The following MED24 variants were observed in gnomAD, a reference collection of about 807,000 sequenced individuals.
The protein encoded by MED24 is mediator complex subunit 24, also known as mediator of RNA polymerase II transcription subunit 24.
MED24 carries 74 observed loss-of-function variants against 118.8 expected under a neutral mutation model. The observed-to-expected ratio is 0.62, with a 90% confidence interval of 0.52 to 0.76. The LOEUF is 0.76. MED24 is among the 30% of genes least tolerant of loss of function. MED24 has a pLI of 0.00. For synonymous variants in MED24, 521 were observed against 523.9 expected, an observed-to-expected ratio of 0.99 and a Z score of 0.08; for missense variants, 1,041 against 1,278.9, an observed-to-expected ratio of 0.81 and a Z score of 2.84.
chr17:40,045,843 T>C (rs895594676), intron 3 of MED24, among the ~76,000 whole-genome samples: 9 of 152,180 alleles, frequency 5.9e-5, no homozygotes, highest in African/African-American at 1.7e-4. Context: ...AGTGGTTCGA[T>C]CTTGGCTCAC....
chr17:40,052,822 T>C (rs1197201599), intron 3 of MED24, among the ~76,000 whole-genome samples: 4 of 152,210 alleles, frequency 2.6e-5, no homozygotes, highest in Non-Finnish European at 5.9e-5. Context: ...ATTATTTTTA[T>C]GAGAACACTG....
Position 40,026,670 on chromosome 17 carries a change from C to T in MED24, c.1786G>A (p.Val596Ile). 1 of 1,611,172 alleles carries T rather than the reference C, an allele frequency of 6.2e-7. No homozygotes were observed. Among genetic ancestry groups the T allele is most frequent in the Non-Finnish European group, 8.5e-7 (1 of 1,178,614 alleles). The change falls in exon 18 of 26, where the codon GTC (valine) becomes ATC (isoleucine). Residue 596 changes from valine to isoleucine, a missense_variant. Physicochemically the swap from Val to Ile is conservative, Grantham distance 29. Coordinates refer to ENST00000394128, the MANE Select transcript of MED24 (RefSeq NM_014815.4). Reference protein sequence around the residue: ...LEILNAWENGVLAFESIQKIT... With the variant: ...LEILNAWENGILAFESIQKIT... The stretch of plus-strand genomic sequence containing the variant: ...ACCTGGATGGACTCGAAGGCCAGGA[C>T]CCCATTCTCCCAGGCATTGAGGATT...
At chr17:40,046,130 G>C (rs1985160524) in intron 3 of MED24, among the ~76,000 whole-genome samples, 1 of 144,614 alleles carries the variant, frequency 6.9e-6, no homozygotes. Flanking sequence ...TGTTGCCCAG[G>C]CTGGAGCGCA....
chr17:40,020,412 TC>T (rs1489930127), intron 23 of MED24, 59 bp from the exon 24 acceptor site: 4 of 1,553,964 alleles, frequency 2.6e-6, no homozygotes, highest in East Asian at 2.4e-5. Context: ...AAAGTGGTGC[TC>T]CCCGGGGATG....
rs1372304720 is a variant in MED24 at position 40,032,047 on chromosome 17, T to A, written c.980A>T (p.Asp327Val). ...CCATCTCAATCCCCAACTCACCTTGTCTCCATGAGAGTACTTCTTCAACTT... is the reference window on the plus strand; with the variant it reads ...CCATCTCAATCCCCAACTCACCTTGACTCCATGAGAGTACTTCTTCAACTT... ...LVKLKKYSHG[D>V]KDFTEDVNCA... Residue 327 changes from aspartate to valine, a missense_variant, in exon 10 of 26, where the codon GAC becomes GTC. This residue lies in a region of MED24 where 434 missense variants were observed against 514.9 expected (regional missense o/e 0.84). Coordinates refer to ENST00000394128, the MANE Select transcript of MED24 (RefSeq NM_014815.4). The A allele has an allele frequency of 6.2e-7, 1 of 1,613,472 alleles. No homozygotes were observed. Among genetic ancestry groups the A allele is most frequent in the East Asian group, 2.2e-5 (1 of 44,854 alleles).
Position 40,053,515 on chromosome 17 carries a change from C to T in MED24, c.84G>A (p.Lys28=). The T allele has an allele frequency of 6.2e-7, 1 of 1,614,222 alleles. No homozygotes were observed. The part of the protein sequence containing the change: ...WSDYQWAINM[K]KFFPKGATWD... Reference sequence around the variant, plus strand: ...AGGTGGCTCCTTTAGGAAAGAATTTCTTCATGTTGATTGCCCATTGGTAGT... The same window carrying T: ...AGGTGGCTCCTTTAGGAAAGAATTTTTTCATGTTGATTGCCCATTGGTAGT... Residue 28 remains lysine (K), a synonymous_variant, in exon 2 of 26, where the codon AAG becomes AAA. Transcript: ENST00000394128.
At chr17:40,034,184 G>A (rs1983692183) in intron 6 of MED24, among the ~76,000 whole-genome samples, 1 of 151,794 alleles carries the variant, frequency 6.6e-6, no homozygotes, top group Non-Finnish European at 1.5e-5. Flanking sequence ...CATAAAAGGG[G>A]GAAAAAAAGA....
rs774920029 is a variant in MED24 at position 40,019,948 on chromosome 17, G to A, written c.2705-15C>T. On this transcript the variant is annotated splice_polypyrimidine_tract_variant and intron_variant, in intron 24 of 25. Transcript: ENST00000394128. ...GAACAGGTTGGCTGTAGAGAGTGGGGGGAGAGTGACAGGAGGGAGTTCCAT... is the reference window on the plus strand; with the variant it reads ...GAACAGGTTGGCTGTAGAGAGTGGGAGGAGAGTGACAGGAGGGAGTTCCAT... 1 of 1,558,742 alleles carries A rather than the reference G, an allele frequency of 6.4e-7. No homozygotes were observed. Among genetic ancestry groups the A allele is most frequent in the Middle Eastern group, 1.7e-4 (1 of 6,000 alleles).
At chr17:40,044,145 A>G (rs939537246) in intron 3 of MED24, among the ~76,000 whole-genome samples, 4 of 145,534 alleles carry the variant, frequency 2.7e-5, no homozygotes, top group African/African-American at 1.1e-4. Flanking sequence ...AAAAAAAAAA[A>G]GCCGTAACAA....
At chr17:40,025,750 G>A (rs1176365922) in intron 19 of MED24, among the ~76,000 whole-genome samples, 3 of 152,164 alleles carry the variant, frequency 2.0e-5, no homozygotes, top group Admixed American at 2.0e-4. Flanking sequence ...GGTCACCAGG[G>A]AAGTCCTCCA....
At chr17:40,047,800 G>A (rs1246818902) in intron 3 of MED24, among the ~76,000 whole-genome samples, 1 of 151,550 alleles carries the variant, frequency 6.6e-6, no homozygotes, top group Non-Finnish European at 1.5e-5. Context: ...CGCAATCTCG[G>A]TTCACTGCAA....
rs368672711 is a variant in MED24, at chr17:40,033,025, G to A, written c.822+31C>T. ...TGCCCCCAACAGGCTGGCCTGCCTT[G>A]GAGAAGGGAGAGCCACTCGGCCCCT... On this transcript the variant is annotated intron_variant, in intron 8 of 25. Coordinates refer to ENST00000394128, the MANE Select transcript of MED24 (RefSeq NM_014815.4). The surrounding 1 kb of genome is among the most constrained non-coding windows in gnomAD (Gnocchi z 5.2). The A allele has an allele frequency of 2.7e-4, 440 of 1,612,004 alleles. 2 individuals are homozygous for A. The African/African-American group carries it at 3.0e-3, about 11-fold the overall frequency.
At chr17:40,032,518 C>G in intron 9 of MED24, 131 bp downstream of exon 9, 2 of 670,350 alleles carry the variant, frequency 3.0e-6, no homozygotes, top group East Asian at 5.5e-5. Flanking sequence ...TCAATGGGAA[C>G]TTGCACTGGA....
chr17:40,026,977 G>A lies in MED24; in HGVS notation c.1588C>T (p.Gln530Ter), dbSNP rs777369383. The change falls in exon 17 of 26, where the codon CAG (glutamine) becomes TAG (stop). Residue 530 changes from glutamine (Q) to a stop codon, truncating the protein, a stop_gained. Coordinates refer to ENST00000394128, the MANE Select transcript of MED24 (RefSeq NM_014815.4). LOFTEE classifies it high-confidence loss of function. ...AEVPFFETWM[Q>*]TCMPEEGKIL... ...TTGCCCTCCTCAGGCATGCAGGTCT[G>A]CATCCAGGTCTCGAAGAAGGGCACC... is the stretch of plus-strand genomic sequence containing the variant. The A allele has an allele frequency of 6.2e-6, 10 of 1,614,154 alleles. No individual in the cohort carries two copies. In the Admixed American group the frequency reaches 1.7e-4, roughly 27 times the overall value.
At position 40,029,972 on chromosome 17, in the gene MED24, A is replaced by C. The variant is rs138683662; in HGVS notation, c.1155-113T>G. The C allele has an allele frequency of 3.3e-4, 279 of 847,302 alleles. No individual in the cohort carries two copies. The African/African-American group carries it at 3.8e-3, about 12-fold the overall frequency. The allele number at this position is 847,302 out of a possible 1,614,324, so 52.5% of individuals were successfully genotyped here. A position where few individuals can be genotyped will look rare whatever the true frequency, so the allele number is the denominator to read the frequency against. ...GCGCAGAGGAGGTGGGAAGCATGTA[A>C]GAACCTCCGAGGTTGGGGTGAAGTT... is the stretch of plus-strand genomic sequence containing the variant. On this transcript the variant is annotated intron_variant, in intron 12 of 25. Coordinates refer to ENST00000394128, the MANE Select transcript of MED24 (RefSeq NM_014815.4).
intron 3 of MED24, among the ~76,000 whole-genome samples, chr17:40,052,490 C>T (rs555066657): frequency 3.9e-5 from 6 of 152,264 alleles, no homozygotes; most frequent in Non-Finnish European, 7.4e-5. Context: ...GTACTGACAT[C>T]GGGTTTTGTT....
chr17:40,045,740 C>T (rs374239089), intron 3 of MED24, among the ~76,000 whole-genome samples: 180 of 152,326 alleles, frequency 1.2e-3, no homozygotes, highest in African/African-American at 4.1e-3. Context: ...TGTGCCACTG[C>T]ACTCCAGCCT....
In MED24 at chr17:40,019,403, G is replaced by A. The variant is rs533936933; in HGVS notation, c.*126C>T. 1.6e-5 allele frequency: 12 copies of A among 762,824 alleles called. No homozygotes were observed. The highest frequency in any genetic ancestry group is 1.1e-4 in the African/African-American group (6 of 56,910). The allele number at this position is 762,824 out of a possible 1,614,324, so 47.3% of individuals were successfully genotyped here. On this transcript the variant is annotated 3_prime_UTR_variant, in exon 26 of 26. Transcript: ENST00000394128. ...AGTCAGGAGCGGGGAACTGGAAGCC[G>A]CTAGAGGCTCTTGCACCATGTGGAG...
chr17:40,023,549 C>CG, intron 19 of MED24, 154 bp from the exon 20 acceptor site: 3 of 699,330 alleles, frequency 4.3e-6, no homozygotes, highest in Non-Finnish European at 7.0e-6. Flanking sequence ...CGGTATACCC[C>CG]GGGGTGACCT....
Sources: gnomAD v4.1 joint callset for allele counts (sites outside exome capture counted in the v4.1 genomes callset) on GRCh38, gnomAD v4.1.1 for gene constraint, gnomAD v4.1.1 regional missense constraint, Gnocchi (gnomAD v3.1) non-coding constraint, MANE v1.5 for transcripts, NCBI Gene and HGNC (gene_info 2026-07-23, HGNC 2026-07-21) for gene names.